Variants in GALNTL6 observed in about 807,000 individuals in gnomAD.
GALNTL6 encodes polypeptide N-acetylgalactosaminyltransferase like 6, also known as polypeptide N-acetylgalactosaminyltransferase-like 6.
GALNTL6 carries 46 observed loss-of-function variants against 73.7 expected under a neutral mutation model. The observed-to-expected ratio is 0.62, with a 90% CI of 0.49 to 0.80. The LOEUF (loss-of-function observed/expected upper bound fraction) is 0.80. Ranked by LOEUF, GALNTL6 falls within the 30% of genes least tolerant of loss-of-function variation. The pLI, the probability that GALNTL6 is intolerant of heterozygous loss-of-function variation, is 0.00. For missense variants in GALNTL6, 604 were observed against 755.0 expected, an observed-to-expected ratio of 0.80 and a Z score of 2.34; for synonymous variants, 259 against 263.7, an observed-to-expected ratio of 0.98 and a Z score of 0.17.
At chr4:172,348,750 C>A in intron 5 of GALNTL6, 61 bp downstream of exon 5, 3 of 1,153,674 alleles carry the variant, frequency 2.6e-6, no homozygotes, top group Admixed American at 2.5e-5. Context: ...TCATTAAGGA[C>A]TTTTTAAAAA....
intron 2 of GALNTL6, among the ~76,000 whole-genome samples, chr4:171,849,192 C>T (rs779991181): frequency 4.0e-4 from 61 of 152,152 alleles, no homozygotes; most frequent in Non-Finnish European, 6.6e-4. Flanking sequence ...TTCTTCCTTT[C>T]GCTTCAACAC....
At chr4:172,527,327 T>C (rs1734992480) in intron 5 of GALNTL6, among the ~76,000 whole-genome samples, 1 of 152,160 alleles carries the variant, frequency 6.6e-6, no homozygotes, top group African/African-American at 2.4e-5. Context: ...TGACCCTAGG[T>C]TACAGAGAAA....
At chr4:172,762,165 T>G (rs1434346314) in intron 5 of GALNTL6, among the ~76,000 whole-genome samples, 1 of 152,258 alleles carries the variant, frequency 6.6e-6, no homozygotes, top group African/African-American at 2.4e-5. Context: ...CACTCTTATT[T>G]TGTAGATTTT....
At chr4:172,350,292 G>A (rs1741898184) in intron 5 of GALNTL6, among the ~76,000 whole-genome samples, 1 of 152,150 alleles carries the variant, frequency 6.6e-6, no homozygotes, top group South Asian at 2.1e-4. Context: ...ATTATGGTTT[G>A]TAGAACATTT....
chr4:172,477,025 C>T (rs1371190931), intron 5 of GALNTL6, among the ~76,000 whole-genome samples: 1 of 150,268 alleles, frequency 6.7e-6, no homozygotes, highest in East Asian at 2.0e-4. Flanking sequence ...CCCGGGTTCA[C>T]GCCATTCCCC....
intron 2 of GALNTL6, among the ~76,000 whole-genome samples, chr4:171,895,004 G>A (rs1311704193): frequency 2.0e-5 from 3 of 152,212 alleles, no homozygotes; most frequent in Non-Finnish European, 2.9e-5. Flanking sequence ...GGTGGTGGAA[G>A]AAGTGACCTG....
intron 5 of GALNTL6, among the ~76,000 whole-genome samples, chr4:172,597,479 A>G (rs1215271219): frequency 6.6e-6 from 1 of 152,210 alleles, no homozygotes; most frequent in African/African-American, 2.4e-5. Context: ...GTGTCATTAA[A>G]TAATAGTTAT....
At chr4:172,096,217 C>CTATTTGG (rs1732353069) in intron 2 of GALNTL6, among the ~76,000 whole-genome samples, 1 of 152,092 alleles carries the variant, frequency 6.6e-6, no homozygotes, top group African/African-American at 2.4e-5. Context: ...AATCCTCCCA[C>CTATTTGG]CTCAGCCTCC....
chr4:172,606,619 G>GTATA lies in GALNTL6; in HGVS notation c.554-202735_554-202732dup, dbSNP rs199738387. 0.018 allele frequency among the ~76,000 whole-genome samples: 602 copies of GTATA among 33,036 alleles called. 4 individuals are homozygous for GTATA. The East Asian group carries it at 0.23, about 13-fold the overall frequency. 21.7% of individuals were successfully genotyped at this position (33,036 alleles called of 152,430 possible). Reference sequence around the variant, plus strand: ...ACATATATACATATATACATATATAGTATATATATACTATATATATACTAT... The same window carrying GTATA: ...ACATATATACATATATACATATATAGTATATATATATATACTATATATATACTAT... On this transcript the variant is annotated intron_variant, in intron 5 of 12. Coordinates refer to ENST00000506823, the MANE Select transcript of GALNTL6 (RefSeq NM_001034845.3).
chr4:172,524,208 A>G (rs746518831), intron 5 of GALNTL6, among the ~76,000 whole-genome samples: 5 of 151,854 alleles, frequency 3.3e-5, no homozygotes, highest in Non-Finnish European at 7.4e-5. Context: ...GTGAGTAGCT[A>G]TATTTCTTTA....
chr4:173,009,309 A>G lies in GALNTL6; in HGVS notation c.1488+15A>G. On this transcript the variant is annotated intron_variant, in intron 11 of 12. Transcript: ENST00000506823. ...CTCATGAACAGGTGAGTCACCTCCC[A>G]GAAGCCAGGGCAGTGGGAACCAGTC... 6.5e-7 allele frequency: 1 copy of G among 1,533,350 alleles called. No homozygotes were observed. Among genetic ancestry groups the G allele is most frequent in the East Asian group, 2.2e-5 (1 of 44,528 alleles). 95.0% of individuals were successfully genotyped at this position (1,533,350 alleles called of 1,614,324 possible).
At chr4:172,247,095 A>C (rs1737687504) in intron 3 of GALNTL6, among the ~76,000 whole-genome samples, 1 of 152,004 alleles carries the variant, frequency 6.6e-6, no homozygotes, top group Non-Finnish European at 1.5e-5. Flanking sequence ...GCTCTCCACC[A>C]CATACAGGCC....
At chr4:172,243,106 G>A (rs142074664) in intron 3 of GALNTL6, among the ~76,000 whole-genome samples, 1 of 152,268 alleles carries the variant, frequency 6.6e-6, no homozygotes, top group Non-Finnish European at 1.5e-5. Context: ...TTACTGATTG[G>A]TGTTCAGTTT....
intron 12 of GALNTL6, among the ~76,000 whole-genome samples, chr4:173,030,364 C>G (rs1286611952): frequency 1.3e-5 from 2 of 152,108 alleles, no homozygotes; most frequent in Non-Finnish European, 1.5e-5. Context: ...TTATGACCTT[C>G]TAACTTTTGC....
intron 2 of GALNTL6, among the ~76,000 whole-genome samples, chr4:171,955,380 A>G (rs1560857581): frequency 8.8e-6 from 1 of 113,804 alleles, no homozygotes; most frequent in African/African-American, 2.7e-5. Flanking sequence ...CTATCTATCT[A>G]TCTATATATA....
At chr4:171,827,590 C>A (rs1288407209) in intron 2 of GALNTL6, among the ~76,000 whole-genome samples, 3 of 152,122 alleles carry the variant, frequency 2.0e-5, no homozygotes, top group African/African-American at 7.2e-5. Context: ...CGATATGAAC[C>A]ACATATGAAG....
At chr4:171,987,573 G>A (rs911678979) in intron 2 of GALNTL6, among the ~76,000 whole-genome samples, 10 of 152,182 alleles carry the variant, frequency 6.6e-5, no homozygotes, top group East Asian at 5.8e-4. Context: ...GCAAATCCCC[G>A]AGCTTGATGT....
intron 5 of GALNTL6, among the ~76,000 whole-genome samples, chr4:172,735,462 A>T (rs1736405327): frequency 6.6e-6 from 1 of 152,206 alleles, no homozygotes; most frequent in Admixed American, 6.5e-5. Context: ...TCTAGGAAGT[A>T]ACTAACTTGC....
intron 10 of GALNTL6, among the ~76,000 whole-genome samples, chr4:172,969,687 C>T (rs966622619): frequency 1.3e-5 from 2 of 152,162 alleles, no homozygotes; most frequent in Non-Finnish European, 2.9e-5. Context: ...TTATATCCAA[C>T]CAAACTATCC....
Sources: gnomAD v4.1 joint callset for allele counts (sites outside exome capture counted in the v4.1 genomes callset) on GRCh38, gnomAD v4.1.1 for gene constraint, MANE v1.5 for transcripts, NCBI Gene and HGNC (gene_info 2026-07-23, HGNC 2026-07-21) for gene names.